MVP: variants seen among roughly 807,000 people sequenced by gnomAD.
MVP encodes major vault protein.
A neutral mutation model predicts 83.5 loss-of-function variants in MVP; 62 were observed. That is an observed-to-expected ratio of 0.74 (90% CI 0.61 to 0.92). The LOEUF is 0.92. MVP is among the 40% of genes least tolerant of loss of function. The probability of loss-of-function intolerance (pLI) is 0.00; values close to 1 mark genes in which losing one functional copy is unlikely to be tolerated. For missense variants in MVP, 1,000 were observed against 1,203.4 expected (o/e 0.83, Z 2.50); for synonymous variants, 505 against 504.1 (o/e 1.00, Z -0.02).
Position 29,838,078 on chromosome 16 carries a change from C to T in MVP, c.909+1120C>T, listed in dbSNP as rs117188736. ...TGTCAGGAAAGCAGCTTGGGCACTA[C>T]GTAAACAAGTGAGTACTGCCATGCT... is the stretch of plus-strand genomic sequence containing the variant. On this transcript the variant is annotated intron_variant, in intron 7 of 14. Transcript: ENST00000357402. 6.0e-3 allele frequency among the ~76,000 whole-genome samples: 917 copies of T among 152,162 alleles called. 5 individuals are homozygous for T. Among genetic ancestry groups the T allele is most frequent in the Non-Finnish European group, 7.5e-3 (508 of 68,004 alleles).
chr16:29,824,945 T>C (rs938960519), intron 1 of MVP, among the ~76,000 whole-genome samples: 3 of 151,972 alleles, frequency 2.0e-5, no homozygotes, highest in African/African-American at 4.8e-5. Flanking sequence ...CCTTGCTATG[T>C]TGCCCAAGCT....
intron 13 of MVP, among the ~76,000 whole-genome samples, chr16:29,846,581 G>A (rs2067587734): frequency 6.6e-6 from 1 of 152,180 alleles, no homozygotes; most frequent in Non-Finnish European, 1.5e-5. Context: ...TAAGAGGCCG[G>A]GTGCAGTGGC....
intron 1 of MVP, chr16:29,821,065 G>A (rs1180949587): frequency 6.6e-6 from 1 of 152,270 alleles, no homozygotes; most frequent in Non-Finnish European, 1.5e-5. Context: ...AGAAGGCGTA[G>A]AATTTAGTGA....
chr16:29,822,089 T>TG (rs2067366422), intron 1 of MVP, among the ~76,000 whole-genome samples: 1 of 145,482 alleles, frequency 6.9e-6, no homozygotes, highest in African/African-American at 2.6e-5. Flanking sequence ...GGGGTTTTGT[T>TG]TTTTTTTTTT....
rs745818886 is a variant in MVP, at chr16:29,847,947, T to C, written c.2640T>C (p.Pro880=). 1.9e-6 allele frequency: 3 copies of C among 1,611,094 alleles called. No homozygotes were observed. In the South Asian group the frequency reaches 3.3e-5, roughly 18 times the overall value. Residue 880 remains proline (P), a synonymous_variant, in exon 15 of 15, where the codon CCT becomes CCC. Transcript: ENST00000357402. Reference sequence around the variant, plus strand: ...TATCCCCCCAGTCTGCTCAGGCCCCTCAAGCTCCTGGAGACAACCACGTGG... The same window carrying C: ...TATCCCCCCAGTCTGCTCAGGCCCCCCAAGCTCCTGGAGACAACCACGTGG... ...EGISPQSAQA[P]QAPGDNHVVP... is the part of the protein sequence containing the mutation.
chr16:29,840,303 T>C lies in MVP; in HGVS notation c.1035T>C (p.Asp345=), dbSNP rs775054627. 1 of 1,613,224 alleles carries C rather than the reference T, an allele frequency of 6.2e-7. No individual in the cohort carries two copies. The highest frequency in any genetic ancestry group is 1.1e-5 in the South Asian group (1 of 91,022). ...RALQPLEEGE[D]EEKVSHQAGD... Reference sequence around the variant, plus strand: ...TGCAGCCCCTGGAGGAGGGGGAGGATGAGGAGAAGGTCTCACACCAGGCTG... The same window carrying C: ...TGCAGCCCCTGGAGGAGGGGGAGGACGAGGAGAAGGTCTCACACCAGGCTG... The change falls in exon 8 of 15, where the codon GAT becomes GAC. Residue 345 remains aspartate (D), a synonymous_variant. Coordinates refer to ENST00000357402, the MANE Select transcript of MVP (RefSeq NM_005115.5).
chr16:29,839,783 CAAAAA>C (rs71373206), intron 7 of MVP, among the ~76,000 whole-genome samples: 14 of 47,374 alleles, frequency 3.0e-4, no homozygotes, highest in Admixed American at 2.0e-3. Context: ...AAGACTATCT[CAAAAA>C]AAAAAAAAAA....
intron 1 of MVP, among the ~76,000 whole-genome samples, chr16:29,823,768 G>C (rs1213637147): frequency 2.0e-5 from 3 of 151,696 alleles, no homozygotes; most frequent in Admixed American, 6.6e-5. Context: ...GCATGAACCC[G>C]GGAGGCGGAG....
At chr16:29,823,928 T>C (rs2150749762) in intron 1 of MVP, among the ~76,000 whole-genome samples, 1 of 150,774 alleles carries the variant, frequency 6.6e-6, no homozygotes, top group East Asian at 2.0e-4. Flanking sequence ...TCACCGGAGA[T>C]GGGTGGCTTT....
At chr16:29,839,335 C>T (rs938650435) in intron 7 of MVP, among the ~76,000 whole-genome samples, 1 of 152,096 alleles carries the variant, frequency 6.6e-6, no homozygotes, top group African/African-American at 2.4e-5. Context: ...CTTCTAGGTA[C>T]AGGATTTCTT....
chr16:29,835,354 C>A (rs1410286311), intron 5 of MVP: 2 of 170,206 alleles, frequency 1.2e-5, no homozygotes, highest in Non-Finnish European at 2.5e-5. Flanking sequence ...ATTAGCCGGG[C>A]GTGGTGGCAC....
chr16:29,844,981 T>C, intron 11 of MVP, 102 bp downstream of exon 11: 1 of 1,429,104 alleles, frequency 7.0e-7, no homozygotes, highest in Admixed American at 2.2e-5. Flanking sequence ...CTGCCATCCC[T>C]ACCCTCAAAG....
rs115328965 is a variant in MVP, at chr16:29,831,449, C to T, written c.321+376C>T. 9.4e-3 allele frequency among the ~76,000 whole-genome samples: 1,438 copies of T among 152,226 alleles called. 22 individuals are homozygous for T. Among genetic ancestry groups the T allele is most frequent in the African/African-American group, 0.033 (1,352 of 41,530 alleles). ...GATTACAGGCATGAGCCACTGTTCCCGGCCTGTACCGAGTTCTAAAGGGAA... is the reference window on the plus strand; with the variant it reads ...GATTACAGGCATGAGCCACTGTTCCTGGCCTGTACCGAGTTCTAAAGGGAA... On this transcript the variant is annotated intron_variant, in intron 3 of 14. Transcript: ENST00000357402.
In MVP at chr16:29,833,468, C is replaced by CTTTT. The variant is rs34663728; in HGVS notation, c.322-245_322-242dup. 7.8e-4 allele frequency: 100 copies of CTTTT among 128,904 alleles called. 1 individual carries two copies. The highest frequency in any genetic ancestry group is 3.1e-3 in the Middle Eastern group (1 of 324). 8.0% of individuals were successfully genotyped at this position (128,904 alleles called of 1,614,324 possible). A position where few individuals can be genotyped will look rare whatever the true frequency, so the allele number is the denominator to read the frequency against. On this transcript the variant is annotated intron_variant, in intron 3 of 14. Coordinates refer to ENST00000357402, the MANE Select transcript of MVP (RefSeq NM_005115.5). Reference sequence around the variant, plus strand: ...TGCGCCGCCACCATGCCTGGCTACACTTTTTTTTTTTTTTTTTTTTTTTAG... The same window carrying CTTTT: ...TGCGCCGCCACCATGCCTGGCTACACTTTTTTTTTTTTTTTTTTTTTTTTTTTAG...
At chr16:29,832,176 C>T (rs1234378825) in intron 3 of MVP, among the ~76,000 whole-genome samples, 3 of 151,926 alleles carry the variant, frequency 2.0e-5, no homozygotes, top group African/African-American at 7.3e-5. Context: ...ACATTCATGT[C>T]CACTTAGGTG....
intron 1 of MVP, chr16:29,822,659 A>G (rs2067372056): frequency 1.3e-5 from 2 of 152,272 alleles, no homozygotes; most frequent in African/African-American, 4.8e-5. Flanking sequence ...GGACCTGGGT[A>G]AGGGAAGGGG....
chr16:29,838,593 C>G (rs1013130972), intron 7 of MVP, among the ~76,000 whole-genome samples: 1 of 151,914 alleles, frequency 6.6e-6, no homozygotes. Context: ...TTTGGGAGGC[C>G]GAGGCAGGAG....
Position 29,845,844 on chromosome 16 carries a change from T to G in MVP, c.2022-19T>G. 6.2e-7 allele frequency: 1 copy of G among 1,611,222 alleles called. No homozygotes were observed. The highest frequency in any genetic ancestry group is 8.5e-7 in the Non-Finnish European group (1 of 1,178,032). On this transcript the variant is annotated intron_variant, in intron 11 of 14. Coordinates refer to ENST00000357402, the MANE Select transcript of MVP (RefSeq NM_005115.5). ...TCTGGCCCCATGCCAGCCTCTCACC[T>G]GCGCTCCGTCTCCTCCAGGCATGAG... is the stretch of plus-strand genomic sequence containing the variant.
chr16:29,835,759 G>C lies in MVP; in HGVS notation c.633G>C (p.Glu211Asp). The C allele has an allele frequency of 6.2e-7, 1 of 1,614,030 alleles. No homozygotes were observed. The highest frequency in any genetic ancestry group is 8.5e-7 in the Non-Finnish European group (1 of 1,180,018). ...VGAYLPAVFE[E>D]VLDLVDAVIL... Reference sequence around the variant, plus strand: ...CGTACCTCCCAGCGGTGTTTGAGGAGGTTCTGGATTTGGTGGACGCCGTCA... The same window carrying C: ...CGTACCTCCCAGCGGTGTTTGAGGACGTTCTGGATTTGGTGGACGCCGTCA... Residue 211 changes from glutamate (E) to aspartate (D), a missense_variant, in exon 6 of 15, where the codon GAG (glutamate) becomes GAC (aspartate). Coordinates refer to ENST00000357402, the MANE Select transcript of MVP (RefSeq NM_005115.5).
Sources: allele counts gnomAD v4.1 joint callset (sites outside exome capture counted in the v4.1 genomes callset), GRCh38; gene constraint gnomAD v4.1.1; transcripts MANE v1.5; gene names NCBI Gene and HGNC (gene_info 2026-07-23, HGNC 2026-07-21).